SECISBP2L: variants seen among roughly 807,000 people sequenced by gnomAD.
SECISBP2L encodes the protein SECIS binding protein 2 like, also known as selenocysteine insertion sequence-binding protein 2-like.
Under a neutral mutation model 114.7 loss-of-function variants are expected in SECISBP2L, and 43 were observed. The observed-to-expected ratio is 0.38, with a 90% confidence interval of 0.29 to 0.48. The LOEUF (loss-of-function observed/expected upper bound fraction) is 0.48, where lower values mean the gene tolerates loss of function less well. Among genes scored for constraint, SECISBP2L ranks in the 20% least tolerant of loss-of-function variants. The probability of loss-of-function intolerance (pLI) is 0.98; values close to 1 mark genes in which losing one functional copy is unlikely to be tolerated. For missense variants in SECISBP2L, 1,136 were observed against 1,301.1 expected (o/e 0.87, Z 1.95); for synonymous variants, 451 against 439.7 (o/e 1.03, Z -0.32).
At chr15:49,012,576 C>G (rs999457124) in intron 12 of SECISBP2L, 72 bp downstream of exon 12, 3 of 1,510,796 alleles carry the variant, frequency 2.0e-6, no homozygotes, top group Non-Finnish European at 1.8e-6. Context: ...GACACCACAA[C>G]CTACTTTTAC....
chr15:49,037,297 AAAAAAAG>A, intron 2 of SECISBP2L: 3 of 172,406 alleles, frequency 1.7e-5, no homozygotes, highest in Non-Finnish European at 3.6e-5. Flanking sequence ...AAAAAAAAAA[AAAAAAAG>A]GTTTTTGTTC....
chr15:49,035,900 C>G (rs1902996085), intron 2 of SECISBP2L, among the ~76,000 whole-genome samples: 1 of 152,142 alleles, frequency 6.6e-6, no homozygotes, highest in South Asian at 2.1e-4. Flanking sequence ...TTACAGTATT[C>G]CACATACCAG....
chr15:49,034,276 A>G (rs1902958617), intron 3 of SECISBP2L, among the ~76,000 whole-genome samples: 1 of 152,202 alleles, frequency 6.6e-6, no homozygotes. Context: ...CTCTTCTATC[A>G]GCTCAAAAGT....
rs1037441911 is a variant in SECISBP2L, at chr15:49,012,911, C to G, written c.1562-94G>C. The G allele has an allele frequency of 6.0e-5, 78 of 1,289,788 alleles. 1 individual carries two copies. The Middle Eastern group carries it at 9.3e-4, about 15-fold the overall frequency. The allele number at this position is 1,289,788 out of a possible 1,614,324, so 79.9% of individuals were successfully genotyped here. ...ACTACAAAAACAAGAACATCCTCCT[C>G]CCATGGAAAAAACGACATCATAACA... On this transcript the variant is annotated intron_variant, in intron 11 of 17. Coordinates refer to ENST00000559471, the MANE Select transcript of SECISBP2L (RefSeq NM_001193489.2).
chr15:48,996,560 G>C lies in SECISBP2L; in HGVS notation c.2430C>G (p.Leu810=), dbSNP rs866082730. The C allele has an allele frequency of 6.2e-7, 1 of 1,613,904 alleles. No homozygotes were observed. Among genetic ancestry groups the C allele is most frequent in the African/African-American group, 1.3e-5 (1 of 75,028 alleles). The part of the protein sequence containing the change: ...AESLFNKLVE[L]TEEARKAYKD... Reference sequence around the variant, plus strand: ...TATATGCTTTCCTGGCCTCCTCAGTGAGTTCTACTAATTTATTAAACAGGC... The same window carrying C: ...TATATGCTTTCCTGGCCTCCTCAGTCAGTTCTACTAATTTATTAAACAGGC... Residue 810 remains leucine, a synonymous_variant, in exon 17 of 18, where the codon CTC becomes CTG. Coordinates refer to ENST00000559471, the MANE Select transcript of SECISBP2L (RefSeq NM_001193489.2).
intron 4 of SECISBP2L, 30 bp downstream of exon 4, chr15:49,032,935 G>C: frequency 6.2e-7 from 1 of 1,604,808 alleles, no homozygotes; most frequent in Non-Finnish European, 8.5e-7. Context: ...ATAAAAATCA[G>C]TGACGCACAT....
chr15:49,024,313 T>C (rs1422730546), intron 7 of SECISBP2L, among the ~76,000 whole-genome samples: 4 of 152,092 alleles, frequency 2.6e-5, no homozygotes, highest in South Asian at 2.1e-4. Context: ...CTGGCCAACA[T>C]AGTGAAACCC....
chr15:49,013,495 C>T (rs1189854213), intron 11 of SECISBP2L, among the ~76,000 whole-genome samples: 1 of 152,140 alleles, frequency 6.6e-6, no homozygotes, highest in Non-Finnish European at 1.5e-5. Flanking sequence ...CAGGGTTTCA[C>T]CATGTTGGCC....
chr15:49,005,340 T>G (rs1486929059), intron 14 of SECISBP2L, among the ~76,000 whole-genome samples: 2 of 151,894 alleles, frequency 1.3e-5, no homozygotes. Context: ...AAAAAAAAAG[T>G]CTCCCACTAT....
At chr15:49,030,850 C>G (rs900952361) in intron 4 of SECISBP2L, among the ~76,000 whole-genome samples, 3 of 152,010 alleles carry the variant, frequency 2.0e-5, no homozygotes, top group African/African-American at 7.2e-5. Context: ...CAAAATAAAC[C>G]TATAGGAATT....
intron 1 of SECISBP2L, among the ~76,000 whole-genome samples, chr15:49,038,432 A>T (rs1903056030): frequency 1.5e-5 from 2 of 133,630 alleles, no homozygotes; most frequent in Non-Finnish European, 3.1e-5. Context: ...TAAAAGACAT[A>T]AAAAAAAAAA....
chr15:49,012,853 G>A lies in SECISBP2L; in HGVS notation c.1562-36C>T. 4 of 1,574,998 alleles carry A rather than the reference G, an allele frequency of 2.5e-6. No homozygotes were observed. In the South Asian group the frequency reaches 4.7e-5, roughly 19 times the overall value. On this transcript the variant is annotated intron_variant, in intron 11 of 17. Coordinates refer to ENST00000559471, the MANE Select transcript of SECISBP2L (RefSeq NM_001193489.2). ...AGAGGAACATTAGTTTCACCATTAG[G>A]GCCAATCCCACATACTTTCAAAATT...
chr15:49,016,513 T>C (rs1181029369), intron 11 of SECISBP2L, 47 bp downstream of exon 11: 1 of 1,552,486 alleles, frequency 6.4e-7, no homozygotes, highest in African/African-American at 1.4e-5. Flanking sequence ...ACATCTAACA[T>C]ATATTAGCAG....
At chr15:49,041,095 G>A (rs1352620839) in intron 1 of SECISBP2L, among the ~76,000 whole-genome samples, 1 of 152,096 alleles carries the variant, frequency 6.6e-6, no homozygotes, top group Non-Finnish European at 1.5e-5. Context: ...TCATAGCAGA[G>A]AGTTGTCTTC....
rs1278951329 is a variant in SECISBP2L at position 48,990,298 on chromosome 15, A to G, written c.*1946T>C. 6.6e-6 allele frequency: 1 copy of G among 152,670 alleles called. No homozygotes were observed. Among genetic ancestry groups the G allele is most frequent in the Non-Finnish European group, 1.5e-5 (1 of 68,042 alleles). 9.5% of individuals were successfully genotyped at this position (152,670 alleles called of 1,614,324 possible). ...ACCATAAAAAGTATGAACAGTTTTT[A>G]AATTCACTTTTAAGACTGTCAGTAG... On this transcript the variant is annotated 3_prime_UTR_variant, in exon 18 of 18. Transcript: ENST00000559471.
intron 4 of SECISBP2L, among the ~76,000 whole-genome samples, chr15:49,030,288 G>A (rs16961987): frequency 0.16 from 24,807 of 152,016 alleles, 3,253 homozygotes; most frequent in African/African-American, 0.36. Flanking sequence ...TGCTACTAGT[G>A]GACACTATGA....
chr15:48,988,714 C>A lies in SECISBP2L; in HGVS notation c.*3530G>T. ...ACATAGTGCAAAAAAGCTGTTATTACCCCCCAAATGTGATATAACAATTAT... is the reference window on the plus strand; with the variant it reads ...ACATAGTGCAAAAAAGCTGTTATTAACCCCCAAATGTGATATAACAATTAT... On this transcript the variant is annotated 3_prime_UTR_variant, in exon 18 of 18. Coordinates refer to ENST00000559471, the MANE Select transcript of SECISBP2L (RefSeq NM_001193489.2). 1 of 420,722 alleles carries A rather than the reference C, an allele frequency of 2.4e-6. No homozygotes were observed. Among genetic ancestry groups the A allele is most frequent in the South Asian group, 1.7e-5 (1 of 58,450 alleles). 26.1% of individuals were successfully genotyped at this position (420,722 alleles called of 1,614,324 possible). A position where few individuals can be genotyped will look rare whatever the true frequency, so the allele number is the denominator to read the frequency against.
chr15:49,025,102 G>A (rs1459994164), intron 7 of SECISBP2L, among the ~76,000 whole-genome samples: 1 of 152,144 alleles, frequency 6.6e-6, no homozygotes, highest in Non-Finnish European at 1.5e-5. Flanking sequence ...ATATTAGGTA[G>A]AATTCATTTA....
chr15:48,992,979 G>C (rs1024954939), intron 17 of SECISBP2L, 53 bp from the exon 18 acceptor site: 69 of 1,451,022 alleles, frequency 4.8e-5, no homozygotes, highest in Non-Finnish European at 6.3e-5. Flanking sequence ...TCAAAATCAT[G>C]CAACTCTTTA....
Sources: allele counts gnomAD v4.1 joint callset (sites outside exome capture counted in the v4.1 genomes callset), GRCh38; gene constraint gnomAD v4.1.1; transcripts MANE v1.5; gene names NCBI Gene and HGNC (gene_info 2026-07-23, HGNC 2026-07-21).